Variants in ZSCAN25 observed in about 807,000 individuals in gnomAD.
The protein encoded by ZSCAN25 is zinc finger and SCAN domain-containing protein 25.
Under a neutral mutation model 38.7 loss-of-function variants are expected in ZSCAN25, and 27 were observed. The observed-to-expected ratio is 0.70, with a 90% CI of 0.51 to 0.96. The LOEUF (loss-of-function observed/expected upper bound fraction) is 0.96, where lower values mean the gene tolerates loss of function less well. ZSCAN25 is among the 40% of genes least tolerant of loss of function. ZSCAN25 has a pLI of 0.00. For missense variants in ZSCAN25, 637 were observed against 705.9 expected (o/e 0.90, Z 1.11); for synonymous variants, 273 against 277.7 (o/e 0.98, Z 0.17).
chr7:99,650,313 C>A, the ZSCAN25 span: 3 of 1,349,844 alleles, frequency 2.2e-6, no homozygotes, highest in Non-Finnish European at 3.1e-6. Flanking sequence ...TACTTAAGAA[C>A]AACCCCCCTC....
At chr7:99,618,224 T>C (rs970810948) in intron 1 of ZSCAN25, 3 of 152,266 alleles carry the variant, frequency 2.0e-5, no homozygotes, top group Non-Finnish European at 4.4e-5. Context: ...ATAGGACTCA[T>C]TCTCCAGTCT....
At chr7:99,709,193 T>A in the ZSCAN25 span, 1 of 1,614,018 alleles carries the variant, frequency 6.2e-7, no homozygotes, top group Non-Finnish European at 8.5e-7. Flanking sequence ...CTGGGAATAA[T>A]CTGAGTGTTT....
At chr7:99,717,187 T>C in the ZSCAN25 span, 5 of 1,613,924 alleles carry the variant, frequency 3.1e-6, no homozygotes, top group Non-Finnish European at 4.2e-6. Context: ...TGTTTCAAGG[T>C]GACAGGCTTG....
the ZSCAN25 span, among the ~76,000 whole-genome samples, chr7:99,721,272 CAG>C: frequency 6.6e-6 from 1 of 152,078 alleles, no homozygotes; most frequent in African/African-American, 2.4e-5. Flanking sequence ...AATAATAAAA[CAG>C]AATGAAAAAT....
intron 1 of ZSCAN25, 131 bp downstream of exon 1, chr7:99,617,147 C>T (rs898794293): frequency 2.0e-5 from 3 of 152,138 alleles, no homozygotes; most frequent in Admixed American, 6.5e-5. Context: ...CCGCTCAGCC[C>T]CGGCTGAGGG....
chr7:99,686,954 G>A, the ZSCAN25 span, among the ~76,000 whole-genome samples: 1 of 152,216 alleles, frequency 6.6e-6, no homozygotes, highest in Non-Finnish European at 1.5e-5. Context: ...CAACAGACCT[G>A]CAGCTGAGGG....
intron 7 of ZSCAN25, among the ~76,000 whole-genome samples, chr7:99,625,513 G>A (rs949297839): frequency 2.6e-5 from 4 of 152,204 alleles, no homozygotes; most frequent in East Asian, 1.9e-4. Context: ...TCCAGGGCAC[G>A]GTTGACACAG....
At chr7:99,652,623 C>A in the ZSCAN25 span, 1 of 1,614,088 alleles carries the variant, frequency 6.2e-7, no homozygotes, top group Non-Finnish European at 8.5e-7. Flanking sequence ...GTTGGAATCA[C>A]CACCATTGAC....
At chr7:99,727,149 C>T in the ZSCAN25 span, among the ~76,000 whole-genome samples, 2 of 152,270 alleles carry the variant, frequency 1.3e-5, no homozygotes, top group African/African-American at 4.8e-5. Flanking sequence ...TGACTCATCC[C>T]AACTCTTTTC....
chr7:99,631,339 A>G lies in ZSCAN25; in HGVS notation c.*1319A>G. ...GAGTGCCAAGTCAGGAAAAATAAAG[A>G]TATTTGTAGGCATTAAAAAAAAATA... On this transcript the variant is annotated 3_prime_UTR_variant, in exon 8 of 8. Coordinates refer to ENST00000394152, the MANE Select transcript of ZSCAN25 (RefSeq NM_145115.3). 2 of 985,074 alleles carry G rather than the reference A, an allele frequency of 2.0e-6. No homozygotes were observed. Among genetic ancestry groups the G allele is most frequent in the Non-Finnish European group, 2.4e-6 (2 of 829,798 alleles). 61.0% of individuals were successfully genotyped at this position (985,074 alleles called of 1,614,324 possible). A position where few individuals can be genotyped will look rare whatever the true frequency, so the allele number is the denominator to read the frequency against.
the ZSCAN25 span, chr7:99,652,746 C>T: frequency 6.2e-7 from 1 of 1,613,926 alleles, no homozygotes; most frequent in Non-Finnish European, 8.5e-7. Context: ...TCAAGGTACT[C>T]CATCTGTACC....
chr7:99,699,575 C>T, the ZSCAN25 span, among the ~76,000 whole-genome samples: 27 of 152,272 alleles, frequency 1.8e-4, no homozygotes, highest in South Asian at 5.4e-3. Flanking sequence ...CAAGCTGCTC[C>T]CTCCTGCCCC....
the ZSCAN25 span, chr7:99,679,776 A>G: frequency 1.3e-6 from 2 of 1,568,448 alleles, no homozygotes; most frequent in Non-Finnish European, 8.8e-7. Context: ...GGGCCCGATT[A>G]GCACCCCAAG....
the ZSCAN25 span, among the ~76,000 whole-genome samples, chr7:99,708,474 T>C: frequency 1.3e-5 from 2 of 151,538 alleles, no homozygotes; most frequent in African/African-American, 4.9e-5. Context: ...CCCCTCCTTC[T>C]CTCCTCCTTC....
chr7:99,676,305 G>T, the ZSCAN25 span: 1 of 1,587,950 alleles, frequency 6.3e-7, no homozygotes, highest in South Asian at 1.1e-5. Flanking sequence ...AAGAGAGGGA[G>T]GTAATATGTA....
chr7:99,629,069 G>C lies in ZSCAN25; in HGVS notation c.806-122G>C, dbSNP rs2052885279. On this transcript the variant is annotated intron_variant, in intron 7 of 7. Transcript: ENST00000394152. This position sits in a 1 kb window ranked among gnomAD's most constrained non-coding sequence, Gnocchi z 5.6. ...AAGAAGTAAGGAAAGCCTGAGTTGA[G>C]GTTGTTGGTCAAAGGAAAAAAGAGA... 1 of 1,353,104 alleles carries C rather than the reference G, an allele frequency of 7.4e-7. No individual in the cohort carries two copies. Among genetic ancestry groups the C allele is most frequent in the Non-Finnish European group, 1.0e-6 (1 of 1,002,476 alleles). The allele number at this position is 1,353,104 out of a possible 1,614,324, so 83.8% of individuals were successfully genotyped here.
At chr7:99,622,753 C>A in intron 6 of ZSCAN25, 113 bp downstream of exon 6, 3 of 963,894 alleles carry the variant, frequency 3.1e-6, no homozygotes, top group Non-Finnish European at 4.7e-6. Context: ...TTGAGTCATT[C>A]TCCCTTCCTA....
chr7:99,682,348 G>A, the ZSCAN25 span, among the ~76,000 whole-genome samples: 1 of 152,182 alleles, frequency 6.6e-6, no homozygotes, highest in African/African-American at 2.4e-5. Flanking sequence ...TATTCTGCAT[G>A]TTAAAATCCA....
chr7:99,629,623 G>T lies in ZSCAN25; in HGVS notation c.1238G>T (p.Ser413Ile). Residue 413 changes from serine (S) to isoleucine (I), a missense_variant, in exon 8 of 8, where the codon AGC (serine) becomes ATC (isoleucine). Physicochemically the swap from Ser to Ile is moderately radical, Grantham distance 142. Transcript: ENST00000394152. The surrounding 1 kb of genome is among the most constrained non-coding windows in gnomAD (Gnocchi z 5.6). ...TGCAGCGAGTGCTGGAAAACCTTCA[G>T]CCAGAGACACCACCTGGAGGTGCAC... The part of the protein sequence containing the change: ...YVCSECWKTF[S>I]QRHHLEVHQR... The T allele has an allele frequency of 6.2e-7, 1 of 1,614,126 alleles. No homozygotes were observed. The highest frequency in any genetic ancestry group is 8.5e-7 in the Non-Finnish European group (1 of 1,180,034).
Sources: allele counts gnomAD v4.1 joint callset (sites outside exome capture counted in the v4.1 genomes callset), GRCh38; gene constraint gnomAD v4.1.1; non-coding constraint Gnocchi (gnomAD v3.1); transcripts MANE v1.5; gene names NCBI Gene and HGNC (gene_info 2026-07-23, HGNC 2026-07-21).